THADA: variants seen among roughly 807,000 people sequenced by gnomAD.
The protein encoded by THADA is tRNA (32-2'-O)-methyltransferase regulator THADA.
THADA carries 213 observed loss-of-function variants against 219.8 expected under a neutral mutation model. The observed-to-expected ratio is 0.97, with a 90% confidence interval of 0.87 to 1.09. The LOEUF is 1.09. Among genes scored for constraint, THADA ranks in the 50% least tolerant of loss-of-function variants. The probability of loss-of-function intolerance (pLI) is 0.00; values close to 1 mark genes in which losing one functional copy is unlikely to be tolerated. For synonymous variants in THADA, 1,018 were observed against 828.9 expected (o/e 1.23, Z -3.92); for missense variants, 2,956 against 2,311.3 (o/e 1.28, Z -5.72).
At chr2:43,500,970 C>CA (rs996692111) in intron 24 of THADA, among the ~76,000 whole-genome samples, 26 of 148,174 alleles carry the variant, frequency 1.8e-4, no homozygotes, top group Admixed American at 3.4e-4. Context: ...TTCATAATTG[C>CA]AAAAAAAAAG....
intron 29 of THADA, among the ~76,000 whole-genome samples, chr2:43,348,917 G>C (rs1221079729): frequency 6.6e-6 from 1 of 152,152 alleles, no homozygotes; most frequent in African/African-American, 2.4e-5. Flanking sequence ...GAGGACAGAT[G>C]CTTACCCCTA....
At chr2:43,254,747 G>T (rs72877303) in intron 36 of THADA, among the ~76,000 whole-genome samples, 1,819 of 152,234 alleles carry the variant, frequency 0.012, 26 homozygotes, top group African/African-American at 0.038. Context: ...GTTGGATAAA[G>T]TCTAACTGAA....
chr2:43,577,345 G>T, intron 9 of THADA, 103 bp from the exon 10 acceptor site: 1 of 899,240 alleles, frequency 1.1e-6, no homozygotes, highest in African/African-American at 1.7e-5. Context: ...AAAATCCTAG[G>T]AAAAATGACT....
chr2:43,413,176 T>C (rs1676506676), intron 28 of THADA, among the ~76,000 whole-genome samples: 1 of 152,170 alleles, frequency 6.6e-6, no homozygotes, highest in South Asian at 2.1e-4. Context: ...ATAGGGCTAT[T>C]TTCTTTATTT....
Position 43,286,806 on chromosome 2 carries a change from G to A in THADA, c.5164+102C>T. ...ATATAACTGAAAGACATAAAGGCAG[G>A]TGTCATGTTGCCATCTTTCACCTTC... On this transcript the variant is annotated intron_variant, in intron 35 of 37. Coordinates refer to ENST00000405975, the MANE Select transcript of THADA (RefSeq NM_022065.5). 5.4e-6 allele frequency: 7 copies of A among 1,306,184 alleles called. No individual in the cohort carries two copies. In the South Asian group the frequency reaches 5.5e-5, roughly 10 times the overall value. 80.9% of individuals were successfully genotyped at this position (1,306,184 alleles called of 1,614,324 possible).
At chr2:43,322,551 G>C (rs1678847306) in intron 30 of THADA, among the ~76,000 whole-genome samples, 1 of 148,378 alleles carries the variant, frequency 6.7e-6, no homozygotes, top group African/African-American at 2.5e-5. Context: ...AATTGAAAAA[G>C]CACAAAAGGA....
Position 43,331,918 on chromosome 2 carries a change from T to TACACACACACACACACACACACACACAC in THADA, c.4344-11406_4344-11379dup, listed in dbSNP as rs141276481. Among the ~76,000 whole-genome samples, 321 of 142,808 alleles carry TACACACACACACACACACACACACACAC rather than the reference T, an allele frequency of 2.2e-3. 5 individuals carry two copies. The highest frequency in any genetic ancestry group is 5.1e-3 in the African/African-American group (192 of 37,956). The allele number at this position is 142,808 out of a possible 152,430, so 93.7% of individuals were successfully genotyped here. ...CAAAGACTCCATTATATATATCTAATACACACACACACACACACACACACA... is the reference window on the plus strand; with the variant it reads ...CAAAGACTCCATTATATATATCTAATACACACACACACACACACACACACACACACACACACACACACACACACACACA... On this transcript the variant is annotated intron_variant, in intron 30 of 37. Transcript: ENST00000405975.
At position 43,294,734 on chromosome 2, in the gene THADA, G is replaced by C. The variant is rs954727413; in HGVS notation, c.4439-1521C>G. 2.0e-5 allele frequency among the ~76,000 whole-genome samples: 3 copies of C among 152,118 alleles called. No individual in the cohort carries two copies. In the East Asian group the frequency reaches 5.8e-4, roughly 29 times the overall value. On this transcript the variant is annotated intron_variant, in intron 31 of 37. Transcript: ENST00000405975. ...AACACTACTGCACCGTAGTCCAGGAGAGAAATAAATGACGAGGGCCTTAAG... is the reference window on the plus strand; with the variant it reads ...AACACTACTGCACCGTAGTCCAGGACAGAAATAAATGACGAGGGCCTTAAG...
chr2:43,577,047 G>C lies in THADA; in HGVS notation c.1012C>G (p.His338Asp). The C allele has an allele frequency of 1.2e-6, 2 of 1,613,236 alleles. No individual in the cohort carries two copies. The highest frequency in any genetic ancestry group is 1.7e-6 in the Non-Finnish European group (2 of 1,179,622). The change falls in exon 10 of 38, where the codon CAT becomes GAT. Residue 338 changes from histidine (H) to aspartate (D), a missense_variant. By Grantham distance (81) the His-to-Asp change is moderately conservative. Coordinates refer to ENST00000405975, the MANE Select transcript of THADA (RefSeq NM_022065.5). Reference sequence around the variant, plus strand: ...TGTGAACTCAAGGTGAACAAAACATGTGCAGTATCCAAGAGCAGGGCCTCC... The same window carrying C: ...TGTGAACTCAAGGTGAACAAAACATCTGCAGTATCCAAGAGCAGGGCCTCC... ...SGEALLLDTA[H>D]VLFTLSSQIK...
intron 26 of THADA, among the ~76,000 whole-genome samples, chr2:43,466,511 T>C (rs1438003188): frequency 1.3e-5 from 2 of 152,266 alleles, no homozygotes; most frequent in Non-Finnish European, 2.9e-5. Flanking sequence ...AGCACACAGT[T>C]TGGGGTATGT....
intron 26 of THADA, among the ~76,000 whole-genome samples, chr2:43,434,136 C>T (rs780612094): frequency 1.3e-5 from 2 of 152,132 alleles, no homozygotes; most frequent in Non-Finnish European, 2.9e-5. Flanking sequence ...ACTATGAGTA[C>T]AAGTAAGCCA....
chr2:43,529,065 C>T (rs983168392), intron 21 of THADA, among the ~76,000 whole-genome samples: 1 of 152,048 alleles, frequency 6.6e-6, no homozygotes, highest in Non-Finnish European at 1.5e-5. Flanking sequence ...CAAGACAGAA[C>T]CATGGAATTT....
At chr2:43,400,784 C>CA (rs1674736949) in intron 28 of THADA, among the ~76,000 whole-genome samples, 1 of 152,044 alleles carries the variant, frequency 6.6e-6, no homozygotes, top group Non-Finnish European at 1.5e-5. Flanking sequence ...TGCACTGTGC[C>CA]AGTGTCCAGT....
At chr2:43,332,210 C>A (rs896710194) in intron 30 of THADA, among the ~76,000 whole-genome samples, 2 of 152,190 alleles carry the variant, frequency 1.3e-5, no homozygotes, top group African/African-American at 4.8e-5. Flanking sequence ...CTCAGCCTCC[C>A]AAGAAGCTGG....
chr2:43,310,951 C>A (rs1284825489), intron 31 of THADA, among the ~76,000 whole-genome samples: 3 of 151,978 alleles, frequency 2.0e-5, no homozygotes, highest in Non-Finnish European at 4.4e-5. Context: ...CTGAGGCAGG[C>A]AGATCACCTG....
chr2:43,230,989 A>G lies in THADA; in HGVS notation c.5821T>C (p.Ser1941Pro), dbSNP rs1437845083. 6 of 1,613,478 alleles carry G rather than the reference A, an allele frequency of 3.7e-6. No homozygotes were observed. The African/African-American group carries it at 6.7e-5, about 18-fold the overall frequency. The part of the protein sequence containing the change: ...VLSVWDSYAE[S>P]RQLTLPRTEA... ...GTTCTTGGAAGAGTTAACTGCCTCG[A>G]TTCTGCATAAGAGTCCCAAACACTG... Residue 1941 changes from serine (S) to proline (P), a missense_variant, in exon 38 of 38, where the codon TCG (serine) becomes CCG (proline). Coordinates refer to ENST00000405975, the MANE Select transcript of THADA (RefSeq NM_022065.5).
chr2:43,266,418 C>T (rs912164683), intron 36 of THADA, among the ~76,000 whole-genome samples: 6 of 152,106 alleles, frequency 3.9e-5, no homozygotes, highest in South Asian at 2.1e-4. Flanking sequence ...GGTGAAACCC[C>T]GTCTCTGCTA....
intron 22 of THADA, among the ~76,000 whole-genome samples, chr2:43,516,640 C>A (rs1289415304): frequency 1.3e-5 from 2 of 152,030 alleles, no homozygotes; most frequent in East Asian, 3.9e-4. Context: ...AAATAATTTG[C>A]TCAAGGTTAC....
chr2:43,290,778 C>T (rs1313840365), intron 34 of THADA, among the ~76,000 whole-genome samples: 1 of 151,692 alleles, frequency 6.6e-6, no homozygotes, highest in Non-Finnish European at 1.5e-5. Context: ...GTATTGGCTG[C>T]CTTCTACTTG....
Sources: gnomAD v4.1 joint callset for allele counts (sites outside exome capture counted in the v4.1 genomes callset) on GRCh38, gnomAD v4.1.1 for gene constraint, MANE v1.5 for transcripts, NCBI Gene and HGNC (gene_info 2026-07-23, HGNC 2026-07-21) for gene names.